The following TENT5D variants were observed in gnomAD, a reference collection of about 807,000 sequenced individuals.
TENT5D encodes the protein terminal nucleotidyltransferase 5D, also known as cancer/testis antigen 112.
For missense variants in TENT5D, 191 were observed against 287.0 expected, an observed-to-expected ratio of 0.67 and a Z score of 2.42; for synonymous variants, 103 against 100.6, an observed-to-expected ratio of 1.02 and a Z score of -0.15.
At chrX:80,426,271 C>A (rs1268568184) in intron 1 of TENT5D, among the ~76,000 whole-genome samples, 3 of 110,736 alleles carry the variant, frequency 2.7e-5, no homozygotes, top group Non-Finnish European at 5.7e-5. Flanking sequence ...TTTTAGATTA[C>A]CATAAGTTAT....
chrX:80,372,452 T>A (rs1337597489), intron 3 of TENT5D, among the ~76,000 whole-genome samples: 2 of 111,964 alleles, frequency 1.8e-5, no homozygotes, highest in African/African-American at 6.5e-5. Flanking sequence ...TATAAAAACA[T>A]TGCAACTTCT....
At chrX:80,342,874 CT>C (rs1929986265) in intron 3 of TENT5D, among the ~76,000 whole-genome samples, 1 of 111,249 alleles carries the variant, frequency 9.0e-6, no homozygotes, top group South Asian at 3.7e-4. Flanking sequence ...ATGATTTCTG[CT>C]TTTGTCTGTC....
At chrX:80,382,711 C>CCG (rs1556064279) in intron 3 of TENT5D, among the ~76,000 whole-genome samples, 3 of 109,688 alleles carry the variant, frequency 2.7e-5, no homozygotes, top group Non-Finnish European at 5.7e-5. Flanking sequence ...GACGCCCCCC[C>CCG]CCCACTGCCA....
intron 3 of TENT5D, among the ~76,000 whole-genome samples, chrX:80,384,790 CAGAG>C (rs988914187): frequency 4.6e-5 from 5 of 107,733 alleles, no homozygotes; most frequent in African/African-American, 1.7e-4. Flanking sequence ...AACAGACAAA[CAGAG>C]AGCCAAATCA....
intron 3 of TENT5D, among the ~76,000 whole-genome samples, chrX:80,365,641 G>C (rs1233931201): frequency 2.7e-5 from 3 of 110,458 alleles, no homozygotes; most frequent in African/African-American, 9.9e-5. Context: ...AGGAGTTCGA[G>C]ACCAGCCTGG....
chrX:80,443,634 A>G lies in TENT5D; in HGVS notation c.1095A>G (p.Val365=), dbSNP rs1432651412. 10 of 1,209,694 alleles carry G rather than the reference A, an allele frequency of 8.3e-6. No homozygotes were observed. In the Admixed American group the frequency reaches 2.0e-4, roughly 24 times the overall value. ...CTGAGGCAAGGTACCCTATTTATGT[A>G]ATACCTGAGCCACCCCCCGTTAGCT... Residue 365 remains valine (V), a synonymous_variant, in exon 3 of 3, where the codon GTA becomes GTG. Coordinates refer to ENST00000308293, the Ensembl canonical transcript of TENT5D.
chrX:80,384,708 A>G (rs1283698437), intron 3 of TENT5D, among the ~76,000 whole-genome samples: 1 of 105,142 alleles, frequency 9.5e-6, no homozygotes. Flanking sequence ...CCTGAAGCTG[A>G]TAAGCAGCTT....
chrX:80,362,271 C>G (rs972909053), intron 3 of TENT5D, among the ~76,000 whole-genome samples: 12 of 111,138 alleles, frequency 1.1e-4, no homozygotes, highest in African/African-American at 3.3e-4. Flanking sequence ...TCACACCATT[C>G]TCCTGCCTCA....
chrX:80,419,508 CCAGA>C (rs1275285311), upstream of TENT5D, among the ~76,000 whole-genome samples: 1 of 111,885 alleles, frequency 8.9e-6, no homozygotes, highest in African/African-American at 3.2e-5. Flanking sequence ...ACTGGCTTAG[CCAGA>C]CAATTTTCTT....
At chrX:80,442,544 C>T (rs747484824) in exon 3 of TENT5D, 9 of 1,195,583 alleles carry the variant, frequency 7.5e-6, no homozygotes, top group Non-Finnish European at 1.0e-5. Flanking sequence ...TTCACAATGT[C>T]TGAAATCAGA....
chrX:80,383,992 G>A (rs1267196175), intron 3 of TENT5D, among the ~76,000 whole-genome samples: 1 of 111,197 alleles, frequency 9.0e-6, no homozygotes, highest in African/African-American at 3.3e-5. Flanking sequence ...GGTACAAGGA[G>A]GAGCTGGTAC....
chrX:80,442,893 G>A lies in TENT5D; in HGVS notation c.354G>A (p.Lys118=), dbSNP rs149316031. Residue 118 remains lysine, a synonymous_variant, in exon 3 of 3, where the codon AAG becomes AAA. Transcript: ENST00000308293. ...ACTTTTTACCAAAAGATGTAAAGAA[G>A]GAAAAGCTCTCCCCAGATATCATGA... 6 of 1,209,099 alleles carry A rather than the reference G, an allele frequency of 5.0e-6. No individual in the cohort carries two copies. In the African/African-American group the frequency reaches 8.8e-5, roughly 18 times the overall value.
chrX:80,387,762 C>G (rs998876833), intron 3 of TENT5D, among the ~76,000 whole-genome samples: 1 of 111,510 alleles, frequency 9.0e-6, no homozygotes, highest in African/African-American at 3.3e-5. Context: ...TATGTTTTCT[C>G]AAGGCCTTAG....
intron 1 of TENT5D, among the ~76,000 whole-genome samples, chrX:80,426,164 G>A (rs1931985020): frequency 9.0e-6 from 1 of 111,315 alleles, no homozygotes. Context: ...GGGGCCCGCT[G>A]TAGCATCCGA....
At chrX:80,378,211 C>A (rs1221834044) in intron 3 of TENT5D, among the ~76,000 whole-genome samples, 1 of 111,646 alleles carries the variant, frequency 9.0e-6, no homozygotes, top group Non-Finnish European at 1.9e-5. Flanking sequence ...ATGGCAGTTT[C>A]TTTTGTTGTA....
chrX:80,361,799 G>A (rs370008386), intron 3 of TENT5D, among the ~76,000 whole-genome samples: 29 of 111,667 alleles, frequency 2.6e-4, no homozygotes, highest in Middle Eastern at 4.6e-3. Context: ...AATTTACTTA[G>A]CACTATTTTT....
At chrX:80,383,077 A>T (rs192149798) in intron 3 of TENT5D, among the ~76,000 whole-genome samples, 89 of 112,116 alleles carry the variant, frequency 7.9e-4, no homozygotes, top group African/African-American at 2.9e-3. Flanking sequence ...TTCTGCATCG[A>T]TCACGCTGGG....
chrX:80,340,748 C>A (rs1248465959), intron 2 of TENT5D, among the ~76,000 whole-genome samples: 1 of 111,545 alleles, frequency 9.0e-6, no homozygotes, highest in Admixed American at 9.6e-5. Flanking sequence ...GCCCAAATGC[C>A]AATAGCACCT....
intron 3 of TENT5D, among the ~76,000 whole-genome samples, chrX:80,356,830 A>G (rs2147519487): frequency 9.0e-6 from 1 of 111,514 alleles, no homozygotes; most frequent in African/African-American, 3.3e-5. Context: ...TTACACATGT[A>G]TACATGTGCC....
Sources: gnomAD v4.1 joint callset for allele counts (sites outside exome capture counted in the v4.1 genomes callset) on GRCh38, gnomAD v4.1.1 for gene constraint, MANE v1.5 for transcripts, NCBI Gene and HGNC (gene_info 2026-07-23, HGNC 2026-07-21) for gene names.